LYRM4: variants seen among roughly 807,000 people sequenced by gnomAD.
LYRM4 encodes LYR motif containing 4.
In LYRM4, 9 loss-of-function variants were observed where a neutral mutation model predicts 11.7. The ratio of observed to expected loss-of-function variants is 0.77; its 90% CI spans 0.46 to 1.34. The LOEUF (loss-of-function observed/expected upper bound fraction) is 1.34, where lower values mean the gene tolerates loss of function less well. Among genes scored for constraint, LYRM4 ranks in the 40% most tolerant of loss-of-function variants. The pLI is 0.00. For missense variants in LYRM4, 133 were observed against 112.5 expected (o/e 1.18, Z -0.82); for synonymous variants, 42 against 40.4 (o/e 1.04, Z -0.15).
intron 2 of LYRM4, among the ~76,000 whole-genome samples, chr6:5,190,273 T>C (rs1478791298): frequency 6.6e-6 from 1 of 152,114 alleles, no homozygotes; most frequent in African/African-American, 2.4e-5. Context: ...AAACTGAGAA[T>C]GCTCAACATT....
At chr6:5,110,298 T>C (rs1317270363) in intron 2 of LYRM4, among the ~76,000 whole-genome samples, 2 of 104,970 alleles carry the variant, frequency 1.9e-5, no homozygotes, top group African/African-American at 4.0e-5. Flanking sequence ...GTAACTGCTG[T>C]TTAAGCAAAC....
intron 2 of LYRM4, among the ~76,000 whole-genome samples, chr6:5,148,518 G>GGGGGGCAGAGTAAGAACTCT (rs1321881105): frequency 1.8e-5 from 1 of 54,384 alleles, no homozygotes; most frequent in African/African-American, 8.1e-5. Context: ...AGCTGGGCTG[G>GGGGGGCAGAGTAAGAACTCT]GTATACGCCT....
At chr6:5,256,170 G>A (rs186841135) in intron 1 of LYRM4, among the ~76,000 whole-genome samples, 2 of 152,034 alleles carry the variant, frequency 1.3e-5, no homozygotes, top group Non-Finnish European at 2.9e-5. Context: ...GTTGGCTGAA[G>A]AAGAGCCAAG....
chr6:5,207,110 T>G (rs966101530), intron 2 of LYRM4, among the ~76,000 whole-genome samples: 1 of 152,196 alleles, frequency 6.6e-6, no homozygotes, highest in African/African-American at 2.4e-5. Flanking sequence ...TAAATTTAGG[T>G]GTACCTTGCT....
At chr6:5,187,851 AG>A (rs2127687162) in intron 2 of LYRM4, among the ~76,000 whole-genome samples, 1 of 152,334 alleles carries the variant, frequency 6.6e-6, no homozygotes, top group African/African-American at 2.4e-5. Context: ...AGAAGCTGTA[AG>A]GGAGTATTTA....
At chr6:5,118,006 T>G (rs547779999) in intron 2 of LYRM4, among the ~76,000 whole-genome samples, 5 of 151,518 alleles carry the variant, frequency 3.3e-5, no homozygotes, top group Non-Finnish European at 5.9e-5. Context: ...TTTAAGACAC[T>G]GCACTTTCCT....
At chr6:5,032,729 C>T in the LYRM4 span, 1 of 152,148 alleles carries the variant, frequency 6.6e-6, no homozygotes, top group Non-Finnish European at 1.5e-5. Context: ...TTTTGGATCT[C>T]GCTGTCTTCA....
chr6:5,076,038 G>T, the LYRM4 span, among the ~76,000 whole-genome samples: 1 of 151,202 alleles, frequency 6.6e-6, no homozygotes, highest in Non-Finnish European at 1.5e-5. Flanking sequence ...TCATTCTCCT[G>T]GGCTCAGGCA....
At position 5,170,524 on chromosome 6, in the gene LYRM4, G is replaced by A. The variant is rs185650091; in HGVS notation, c.207+46094C>T. 5.5e-4 allele frequency among the ~76,000 whole-genome samples: 84 copies of A among 151,882 alleles called. 2 individuals are homozygous for A. Among genetic ancestry groups the A allele is most frequent in the East Asian group, 5.8e-4 (3 of 5,176 alleles). ...TTTATTTATTTAATATTTTTGAGACGGAGTCTCGCTCTGTTGCCCAGACTG... is the reference window on the plus strand; with the variant it reads ...TTTATTTATTTAATATTTTTGAGACAGAGTCTCGCTCTGTTGCCCAGACTG... On this transcript the variant is annotated intron_variant, in intron 2 of 2. Transcript: ENST00000330636.
intron 1 of LYRM4, among the ~76,000 whole-genome samples, chr6:5,250,820 T>C (rs1402635341): frequency 6.6e-6 from 1 of 152,262 alleles, no homozygotes; most frequent in Non-Finnish European, 1.5e-5. Context: ...ACATATGGTA[T>C]AATAAAAGAG....
intron 2 of LYRM4, among the ~76,000 whole-genome samples, chr6:5,127,451 AGG>A (rs1216378038): frequency 1.3e-5 from 2 of 152,220 alleles, no homozygotes; most frequent in Non-Finnish European, 2.9e-5. Flanking sequence ...TAAAAAATAC[AGG>A]TTAAAAAGTC....
At chr6:5,128,187 A>C (rs1763782817) in intron 2 of LYRM4, among the ~76,000 whole-genome samples, 1 of 152,200 alleles carries the variant, frequency 6.6e-6, no homozygotes, top group Admixed American at 6.5e-5. Context: ...TGGATTAATA[A>C]AAATTAAGTG....
intron 1 of LYRM4, among the ~76,000 whole-genome samples, chr6:5,255,325 G>C (rs574949126): frequency 1.3e-5 from 2 of 152,306 alleles, no homozygotes; most frequent in African/African-American, 2.4e-5. Context: ...ACAAATTGTA[G>C]ATAGCAACAA....
the LYRM4 span, among the ~76,000 whole-genome samples, chr6:5,053,754 A>G: frequency 1.3e-5 from 2 of 152,214 alleles, no homozygotes; most frequent in Admixed American, 1.3e-4. Context: ...ATTGTAAGTA[A>G]TAGGTCTGTA....
At chr6:5,168,817 T>C (rs781655752) in intron 2 of LYRM4, among the ~76,000 whole-genome samples, 1 of 152,164 alleles carries the variant, frequency 6.6e-6, no homozygotes, top group Non-Finnish European at 1.5e-5. Context: ...AGACGTATGT[T>C]GAAGAATTTA....
At chr6:5,089,125 A>C in the LYRM4 span, 1 of 152,214 alleles carries the variant, frequency 6.6e-6, no homozygotes, top group Non-Finnish European at 1.5e-5. Flanking sequence ...GACTTTTAAA[A>C]ATGGTCAATG....
chr6:5,128,750 C>A (rs1460193202), intron 2 of LYRM4, among the ~76,000 whole-genome samples: 1 of 152,198 alleles, frequency 6.6e-6, no homozygotes, highest in Non-Finnish European at 1.5e-5. Flanking sequence ...TGGATATGAA[C>A]TACTACATGG....
At chr6:5,136,561 T>C in intron 2 of LYRM4, 1 of 972,400 alleles carries the variant, frequency 1.0e-6, no homozygotes, top group Non-Finnish European at 1.2e-6. Flanking sequence ...TTAGATGGTA[T>C]TTATAATGTC....
chr6:5,100,361 C>T (rs572864144), downstream of LYRM4, among the ~76,000 whole-genome samples: 6 of 152,276 alleles, frequency 3.9e-5, no homozygotes, highest in East Asian at 7.7e-4. Context: ...TCTCTGCTCT[C>T]TGAGGTTGCA....
Sources: gnomAD v4.1 joint callset for allele counts (sites outside exome capture counted in the v4.1 genomes callset) on GRCh38, gnomAD v4.1.1 for gene constraint, MANE v1.5 for transcripts, NCBI Gene and HGNC (gene_info 2026-07-23, HGNC 2026-07-21) for gene names.